ZAN: variants seen among roughly 807,000 people sequenced by gnomAD.
ZAN encodes the protein zonadhesin.
Under a neutral mutation model 286.2 loss-of-function variants are expected in ZAN, and 260 were observed. The ratio of observed to expected loss-of-function variants is 0.91; its 90% CI spans 0.82 to 1.01. The LOEUF is 1.01. Among genes scored for constraint, ZAN ranks in the 50% least tolerant of loss-of-function variants. ZAN has a pLI of 0.00. For synonymous variants in ZAN, 1,368 were observed against 1,417.5 expected (o/e 0.97, Z 0.79); for missense variants, 3,410 against 3,639.2 (o/e 0.94, Z 1.62).
intron 22 of ZAN, 101 bp downstream of exon 22, chr7:100,764,297 GTTTGGGACCAGC>G: frequency 7.3e-7 from 1 of 1,372,356 alleles, no homozygotes; most frequent in Non-Finnish European, 9.5e-7. Context: ...GAGATCAGGA[GTTTGGGACCAGC>G]CTGGCCAACA....
intron 35 of ZAN, among the ~76,000 whole-genome samples, chr7:100,780,026 C>CT (rs1259250106): frequency 6.6e-6 from 1 of 151,904 alleles, no homozygotes; most frequent in Admixed American, 6.6e-5. Flanking sequence ...GAAACCCCAT[C>CT]CTACTAAAAA....
chr7:100,750,877 G>T lies in ZAN; in HGVS notation c.1502G>T (p.Gly501Val). The part of the protein sequence containing the change: ...WQNTSVTVPS[G>V]HQQPMQLIFK... ...AACACCTCCGTCACCGTCCCCTCAG[G>T]ACACCAACAGCCCATGCAGGTGAGA... is the stretch of plus-strand genomic sequence containing the variant. The change falls in exon 12 of 48, where the codon GGA (glycine) becomes GTA (valine). Residue 501 changes from glycine (G) to valine (V), a missense_variant. Coordinates refer to ENST00000613979, the MANE Select transcript of ZAN (RefSeq NM_003386.3). The T allele has an allele frequency of 1.9e-6, 3 of 1,557,506 alleles. No individual in the cohort carries two copies. The East Asian group carries it at 6.8e-5, about 35-fold the overall frequency.
Position 100,750,785 on chromosome 7 carries a change from A to G in ZAN, c.1410A>G (p.Gly470=), listed in dbSNP as rs780353400. The G allele has an allele frequency of 6.2e-7, 1 of 1,612,482 alleles. No individual in the cohort carries two copies. Among genetic ancestry groups the G allele is most frequent in the Non-Finnish European group, 8.5e-7 (1 of 1,179,046 alleles). ...GEGTMLELLL[G]SPAGSPPIPL... is the part of the protein sequence containing the mutation. ...GTACTATGCTCGAACTCCTCCTGGG[A>G]AGTCCTGCGGGGAGTCCCCCGATTC... is the stretch of plus-strand genomic sequence containing the variant. Residue 470 remains glycine (G), a synonymous_variant, in exon 12 of 48, where the codon GGA becomes GGG. Coordinates refer to ENST00000613979, the MANE Select transcript of ZAN (RefSeq NM_003386.3).
At position 100,784,723 on chromosome 7, in the gene ZAN, C is replaced by T; in HGVS notation, c.6723C>T (p.Pro2241=). ...GCCGGTGTGAGGGCGCCAAAGTCCC[C>T]TCTGCCTGCGCTGAGGGCTGCATTT... ...LDGRCEGAKV[P]SACAEGCICQ... The change falls in exon 36 of 48, where the codon CCC becomes CCT. Residue 2241 remains proline, a synonymous_variant. Coordinates refer to ENST00000613979, the MANE Select transcript of ZAN (RefSeq NM_003386.3). 1 of 1,613,952 alleles carries T rather than the reference C, an allele frequency of 6.2e-7. No homozygotes were observed. The highest frequency in any genetic ancestry group is 1.1e-5 in the South Asian group (1 of 91,080).
chr7:100,797,252 T>G, intron 45 of ZAN, 114 bp from the exon 46 acceptor site: 1 of 951,340 alleles, frequency 1.1e-6, no homozygotes, highest in Non-Finnish European at 1.6e-6. Flanking sequence ...CACCTAGAGA[T>G]TTAGAGAGAT....
rs1811690736 is a variant in ZAN at position 100,788,063 on chromosome 7, C to G, written c.7154C>G (p.Ser2385Cys). 6.3e-7 allele frequency: 1 copy of G among 1,589,078 alleles called. No individual in the cohort carries two copies. The highest frequency in any genetic ancestry group is 8.6e-7 in the Non-Finnish European group (1 of 1,163,226). The change falls in exon 38 of 48, where the codon TCC (serine) becomes TGC (cysteine). Residue 2385 changes from serine (S) to cysteine (C), a missense_variant. Coordinates refer to ENST00000613979, the MANE Select transcript of ZAN (RefSeq NM_003386.3). Reference protein sequence around the residue: ...GRNKMDPPRSSIFLQEVITTV... With the variant: ...GRNKMDPPRSCIFLQEVITTV... ...AACAAGATGGATCCGCCCAGGAGCTCCATCTTCTTGCAGGAAGTGATTACC... is the reference window on the plus strand; with the variant it reads ...AACAAGATGGATCCGCCCAGGAGCTGCATCTTCTTGCAGGAAGTGATTACC...
chr7:100,756,677 A>G (rs1024332344), intron 15 of ZAN, among the ~76,000 whole-genome samples: 1 of 151,224 alleles, frequency 6.6e-6, no homozygotes, highest in Non-Finnish European at 1.5e-5. Flanking sequence ...CCTCTGCCCT[A>G]GGAGGCATGT....
At position 100,759,725 on chromosome 7, in the gene ZAN, A is replaced by C. The variant is rs1809408945; in HGVS notation, c.3576A>C (p.Pro1192=). ...TTCATTCCTCTCCCTACCCAGACCCATTCTTCAGGGTGACAGCCAAGAATG... is the reference window on the plus strand; with the variant it reads ...TTCATTCCTCTCCCTACCCAGACCCCTTCTTCAGGGTGACAGCCAAGAATG... The part of the protein sequence containing the change: ...LAQPCGNSTD[P]FFRVTAKNEE... Residue 1192 remains proline, a synonymous_variant, in exon 18 of 48, where the codon CCA becomes CCC. Coordinates refer to ENST00000613979, the MANE Select transcript of ZAN (RefSeq NM_003386.3). 6.3e-7 allele frequency: 1 copy of C among 1,586,288 alleles called. No individual in the cohort carries two copies. Among genetic ancestry groups the C allele is most frequent in the African/African-American group, 1.3e-5 (1 of 74,178 alleles).
rs375869113 is a variant in ZAN at position 100,764,024 on chromosome 7, C to G, written c.4098-3C>G. 16 of 1,613,800 alleles carry G rather than the reference C, an allele frequency of 9.9e-6. No individual in the cohort carries two copies. Among genetic ancestry groups the G allele is most frequent in the Non-Finnish European group, 1.4e-5 (16 of 1,179,848 alleles). On this transcript the variant is annotated splice_polypyrimidine_tract_variant and splice_region_variant and intron_variant, in intron 21 of 47. Coordinates refer to ENST00000613979, the MANE Select transcript of ZAN (RefSeq NM_003386.3). The stretch of plus-strand genomic sequence containing the variant: ...TTCCCCCTGACTTGGTCACTCCCCT[C>G]AGGACATGCCTGCTGCACGTGAAGG...
rs1810022385 is a variant in ZAN at position 100,767,028 on chromosome 7, C to T, written c.4631C>T (p.Ala1544Val). 5 of 1,613,792 alleles carry T rather than the reference C, an allele frequency of 3.1e-6. No individual in the cohort carries two copies. Among genetic ancestry groups the T allele is most frequent in the African/African-American group, 1.3e-5 (1 of 74,904 alleles). Residue 1544 changes from alanine (A) to valine (V), a missense_variant, in exon 25 of 48, where the codon GCC becomes GTC. This residue lies in a region of ZAN where 1,042 missense variants were observed against 1,058.0 expected (regional missense o/e 0.98). Coordinates refer to ENST00000613979, the MANE Select transcript of ZAN (RefSeq NM_003386.3). ...CHAQGAATCT[A>V]SGDPHYLTFD... ...TCCACAGGTGCCGCCACCTGCACAG[C>T]CTCGGGTGACCCCCACTACCTGACC...
At chr7:100,758,055 C>A in intron 15 of ZAN, 147 bp from the exon 16 acceptor site, 1 of 797,342 alleles carries the variant, frequency 1.3e-6, no homozygotes, top group Non-Finnish European at 1.6e-6. Context: ...CACTGCACTC[C>A]AGCTTGGGCA....
intron 7 of ZAN, among the ~76,000 whole-genome samples, chr7:100,742,872 A>AGGGGGAGGGGGAGG (rs1807902254): frequency 4.7e-3 from 1 of 212 alleles, no homozygotes; most frequent in Non-Finnish European, 9.4e-3. Flanking sequence ...GACGGAGACG[A>AGGGGGAGGGGGAGG]GGGAGAGGGA....
In ZAN at chr7:100,775,476, T is replaced by C. The variant is rs774384289; in HGVS notation, c.5928T>C (p.His1976=). The part of the protein sequence containing the change: ...ALPFFKISAK[H]EKEEGGTEAF... ...CCTTCTTCAAGATCAGTGCCAAGCATGAGAAGGAGGAAGGTGGAACTGAGG... is the reference window on the plus strand; with the variant it reads ...CCTTCTTCAAGATCAGTGCCAAGCACGAGAAGGAGGAAGGTGGAACTGAGG... The change falls in exon 32 of 48, where the codon CAT becomes CAC. Residue 1976 remains histidine (H), a synonymous_variant. Transcript: ENST00000613979. 1.9e-6 allele frequency: 3 copies of C among 1,613,736 alleles called. No individual in the cohort carries two copies. In the East Asian group the frequency reaches 6.7e-5, roughly 36 times the overall value.
chr7:100,756,529 C>T (rs1404061494), intron 15 of ZAN, among the ~76,000 whole-genome samples: 1 of 151,990 alleles, frequency 6.6e-6, no homozygotes, highest in Non-Finnish European at 1.5e-5. Context: ...TTCTGCTTGT[C>T]CCTTTTGGGA....
At chr7:100,761,675 G>A (rs557692233) in intron 19 of ZAN, among the ~76,000 whole-genome samples, 6 of 151,618 alleles carry the variant, frequency 4.0e-5, no homozygotes, top group East Asian at 1.9e-4. Context: ...GGCCAGGCAC[G>A]GTGGCTGACA....
In ZAN at chr7:100,792,149, G is replaced by A; in HGVS notation, c.7712+1G>A. The A allele has an allele frequency of 1.9e-6, 3 of 1,604,548 alleles. No individual in the cohort carries two copies. Among genetic ancestry groups the A allele is most frequent in the Non-Finnish European group, 2.6e-6 (3 of 1,175,672 alleles). ...CGGTGGCCCCAGAGCCCTTCCAAGA[G>A]TGAGTCATGGGCCCAGGACTTGTGG... On this transcript the variant is annotated splice_donor_variant, in intron 41 of 47. Transcript: ENST00000613979. LOFTEE classifies it high-confidence loss of function.
Position 100,776,211 on chromosome 7 carries a change from G to C in ZAN, c.6193-229G>C, listed in dbSNP as rs564748109. ...TGCCCACCTGTAATCCCAGCTGCTC[G>C]GGAGGCTGAGGCAGGAGGGTTGCTT... On this transcript the variant is annotated intron_variant, in intron 33 of 47. Coordinates refer to ENST00000613979, the MANE Select transcript of ZAN (RefSeq NM_003386.3). Among the ~76,000 whole-genome samples, 4 of 151,950 alleles carry C rather than the reference G, an allele frequency of 2.6e-5. No individual in the cohort carries two copies. In the East Asian group the frequency reaches 7.7e-4, roughly 29 times the overall value.
rs755961923 is a variant in ZAN, at chr7:100,768,680, G to T, written c.5112G>T (p.Gln1704His). The T allele has an allele frequency of 6.2e-7, 1 of 1,608,372 alleles. No homozygotes were observed. The highest frequency in any genetic ancestry group is 1.1e-5 in the South Asian group (1 of 89,848). Residue 1704 changes from glutamine to histidine, a missense_variant, in exon 27 of 48, where the codon CAG becomes CAT. Physicochemically the swap from Gln to His is conservative, Grantham distance 24. Coordinates refer to ENST00000613979, the MANE Select transcript of ZAN (RefSeq NM_003386.3). ...PDRKLAGDSMQLGAAWKLPES... is the reference protein window; with the variant it reads ...PDRKLAGDSMHLGAAWKLPES... ...GAAAGCTTGCAGGCGATTCCATGCA[G>T]CTGGGGGCCGCCTGGAAGTTACCTG...
chr7:100,751,215 G>A lies in ZAN; in HGVS notation c.1555G>A (p.Ala519Thr), dbSNP rs1808638892. ...IFKGIQGSNT[A>T]SVVAMGFILI... is the part of the protein sequence containing the mutation. ...CAAGGGCATCCAGGGAAGCAACACG[G>A]CCTCTGTGGTTGCTATGGGTTTCAT... is the stretch of plus-strand genomic sequence containing the variant. Residue 519 changes from alanine (A) to threonine (T), a missense_variant, in exon 13 of 48, where the codon GCC (alanine) becomes ACC (threonine). By Grantham distance (58) the Ala-to-Thr change is moderately conservative. Transcript: ENST00000613979. 1 of 1,609,964 alleles carries A rather than the reference G, an allele frequency of 6.2e-7. No homozygotes were observed. The highest frequency in any genetic ancestry group is 8.5e-7 in the Non-Finnish European group (1 of 1,178,354).
Sources: allele counts gnomAD v4.1 joint callset (sites outside exome capture counted in the v4.1 genomes callset), GRCh38; gene constraint gnomAD v4.1.1; regional missense constraint gnomAD v4.1.1; transcripts MANE v1.5; gene names NCBI Gene and HGNC (gene_info 2026-07-23, HGNC 2026-07-21).